GPC4: variants seen among roughly 807,000 people sequenced by gnomAD.
GPC4 encodes glypican 4.
A neutral mutation model predicts 35.0 loss-of-function variants in GPC4; 10 were observed. The ratio of observed to expected loss-of-function variants is 0.29; its 90% CI spans 0.18 to 0.48. GPC4 has a LOEUF of 0.48. Ranked by LOEUF, GPC4 falls within the 20% of genes least tolerant of loss-of-function variation. The probability of loss-of-function intolerance (pLI) is 0.99; values close to 1 mark genes in which losing one functional copy is unlikely to be tolerated. For synonymous variants in GPC4, 167 were observed against 170.2 expected, an observed-to-expected ratio of 0.98 and a Z score of 0.15; for missense variants, 322 against 451.3, an observed-to-expected ratio of 0.71 and a Z score of 2.60.
At chrX:133,336,166 T>C (rs755958194) in intron 2 of GPC4, among the ~76,000 whole-genome samples, 22 of 111,814 alleles carry the variant, frequency 2.0e-4, no homozygotes, top group Non-Finnish European at 3.8e-4. Context: ...ACATATCCTA[T>C]AGCCTGTTAA....
intron 2 of GPC4, among the ~76,000 whole-genome samples, chrX:133,332,271 C>G (rs2068423981): frequency 1.8e-5 from 2 of 111,558 alleles, no homozygotes; most frequent in South Asian, 7.5e-4. Context: ...AATGGCTTAT[C>G]AAATTTCCTT....
At chrX:133,351,973 G>A (rs1388495474) in intron 1 of GPC4, among the ~76,000 whole-genome samples, 1 of 111,995 alleles carries the variant, frequency 8.9e-6, no homozygotes, top group Non-Finnish European at 1.9e-5. Context: ...AATACAAATG[G>A]CTTGGTCTCC....
intron 1 of GPC4, among the ~76,000 whole-genome samples, chrX:133,356,283 C>T (rs182710461): frequency 3.6e-5 from 4 of 111,247 alleles, no homozygotes; most frequent in Non-Finnish European, 5.7e-5. Context: ...CTTGCTCTGT[C>T]GCCCAGACTG....
chrX:133,324,505 C>T lies in GPC4; in HGVS notation c.351G>A (p.Glu117=). Residue 117 remains glutamate (E), a synonymous_variant, in exon 3 of 9, where the codon GAG becomes GAA. Transcript: ENST00000370828. ...TCACAAACATATCATTCAGGGATTT[C>T]TCTGCATTTTCAAGTAGTTCTTTGA... The part of the protein sequence containing the change: ...EFFKELLENA[E]KSLNDMFVKT... 1 of 1,076,031 alleles carries T rather than the reference C, an allele frequency of 9.3e-7. No homozygotes were observed. The highest frequency in any genetic ancestry group is 1.2e-6 in the Non-Finnish European group (1 of 813,551). 88.7% of individuals were successfully genotyped at this position (1,076,031 alleles called of 1,213,427 possible). A position where few individuals can be genotyped will look rare whatever the true frequency, so the allele number is the denominator to read the frequency against.
In GPC4 at chrX:133,329,326, T is replaced by C. The variant is rs1217854349; in HGVS notation, c.320-4790A>G. ...TGATAGTGTTGTCACTCTTAGAGTT[T>C]CTTTGTATCTACAATCCTTTAAAAA... On this transcript the variant is annotated intron_variant, in intron 2 of 8. Coordinates refer to ENST00000370828, the MANE Select transcript of GPC4 (RefSeq NM_001448.3). Among the ~76,000 whole-genome samples, 31 of 112,381 alleles carry C rather than the reference T, an allele frequency of 2.8e-4. No homozygotes were observed. The Admixed American group carries it at 2.9e-3, about 11-fold the overall frequency.
At chrX:133,398,244 A>G (rs1447684876) in intron 1 of GPC4, among the ~76,000 whole-genome samples, 1 of 111,275 alleles carries the variant, frequency 9.0e-6, no homozygotes, top group African/African-American at 3.3e-5. Context: ...CATTAAATGG[A>G]GAGCTTGGGA....
intron 2 of GPC4, among the ~76,000 whole-genome samples, chrX:133,330,928 T>C (rs887090302): frequency 1.8e-5 from 2 of 108,728 alleles, no homozygotes; most frequent in African/African-American, 6.8e-5. Flanking sequence ...GGCAACAGAG[T>C]GAGACCCTAA....
intron 1 of GPC4, among the ~76,000 whole-genome samples, chrX:133,384,128 G>T (rs1415620280): frequency 8.9e-6 from 1 of 112,093 alleles, no homozygotes; most frequent in Non-Finnish European, 1.9e-5. Flanking sequence ...AAATGGCTAT[G>T]CGCAAGATAA....
At chrX:133,343,580 T>C (rs1416874563) in intron 1 of GPC4, among the ~76,000 whole-genome samples, 2 of 111,993 alleles carry the variant, frequency 1.8e-5, no homozygotes, top group Non-Finnish European at 3.8e-5. Context: ...TACATGGCCC[T>C]TGATTAGTTT....
chrX:133,323,401 G>A (rs1307553319), intron 3 of GPC4, among the ~76,000 whole-genome samples: 2 of 111,721 alleles, frequency 1.8e-5, no homozygotes, highest in Non-Finnish European at 3.8e-5. Flanking sequence ...AATTGCTTGA[G>A]CCCCGGAGGT....
chrX:133,318,948 G>T (rs756937391), intron 3 of GPC4, among the ~76,000 whole-genome samples: 1 of 112,134 alleles, frequency 8.9e-6, no homozygotes, highest in East Asian at 2.8e-4. Flanking sequence ...CTTCAACTAT[G>T]AAGTGTCTTT....
chrX:133,357,390 A>AC (rs1182479563), intron 1 of GPC4, among the ~76,000 whole-genome samples: 1 of 106,552 alleles, frequency 9.4e-6, no homozygotes, highest in African/African-American at 3.4e-5. Context: ...TCAAAAAAAA[A>AC]AAAAAAATTT....
intron 1 of GPC4, among the ~76,000 whole-genome samples, chrX:133,359,315 C>T (rs1311506522): frequency 9.0e-6 from 1 of 111,250 alleles, no homozygotes; most frequent in Non-Finnish European, 1.9e-5. Context: ...AAAAAACTTA[C>T]TTATAGTCGC....
At chrX:133,328,758 A>C (rs2068405216) in intron 2 of GPC4, among the ~76,000 whole-genome samples, 1 of 111,597 alleles carries the variant, frequency 9.0e-6, no homozygotes, top group African/African-American at 3.3e-5. Context: ...CTTGGTGACT[A>C]AGAGAGAACC....
At chrX:133,389,332 T>C (rs1270405189) in intron 1 of GPC4, among the ~76,000 whole-genome samples, 1 of 111,709 alleles carries the variant, frequency 9.0e-6, no homozygotes, top group Non-Finnish European at 1.9e-5. Flanking sequence ...CTTATATCCC[T>C]AATAACTGAC....
At chrX:133,367,964 T>C (rs1044031382) in intron 1 of GPC4, among the ~76,000 whole-genome samples, 10 of 110,821 alleles carry the variant, frequency 9.0e-5, no homozygotes, top group Admixed American at 8.6e-4. Context: ...TTTCCTTACC[T>C]ATAATTTTTC....
In GPC4 at chrX:133,303,029, C is replaced by T; in HGVS notation, c.1509G>A (p.Glu503=). ...SSGEGSGSGC[E]YQQCPSEFDY... ...CAAACTCTGAAGGGCACTGCTGATA[C>T]TCACAGCCACTTCCACTTCCTTCTC... Residue 503 remains glutamate (E), a synonymous_variant, in exon 9 of 9, where the codon GAG becomes GAA. Transcript: ENST00000370828. 1 of 1,211,521 alleles carries T rather than the reference C, an allele frequency of 8.3e-7. No homozygotes were observed. Among genetic ancestry groups the T allele is most frequent in the Non-Finnish European group, 1.1e-6 (1 of 895,404 alleles).
In GPC4 at chrX:133,304,778, C is replaced by T. The variant is rs146001319; in HGVS notation, c.1239G>A (p.Met413Ile). The T allele has an allele frequency of 1.3e-5, 16 of 1,209,769 alleles. No homozygotes were observed. The African/African-American group carries it at 2.3e-4, about 17-fold the overall frequency. The stretch of plus-strand genomic sequence containing the variant: ...CATCCTCATTGCCGTTTCCTGCAGC[C>T]ATCCTCTCATCGTTGCAAACGTTGC... Reference protein sequence around the residue: ...LPSNVCNDERMAAGNGNEDDC... With the variant: ...LPSNVCNDERIAAGNGNEDDC... The change falls in exon 7 of 9, where the codon ATG (methionine) becomes ATA (isoleucine). Residue 413 changes from methionine (M) to isoleucine (I), a missense_variant. Around this residue, in one of 3 missense-constraint regions of GPC4, gnomAD observed 163 missense variants for 277.2 expected, o/e 0.59. Transcript: ENST00000370828.
intron 1 of GPC4, among the ~76,000 whole-genome samples, chrX:133,399,054 T>G (rs919705142): frequency 9.0e-6 from 1 of 111,546 alleles, no homozygotes; most frequent in Non-Finnish European, 1.9e-5. Context: ...GATAAAGGCT[T>G]GGCAAGGGAA....
Sources: allele counts gnomAD v4.1 joint callset (sites outside exome capture counted in the v4.1 genomes callset), GRCh38; gene constraint gnomAD v4.1.1; regional missense constraint gnomAD v4.1.1; transcripts MANE v1.5; gene names NCBI Gene and HGNC (gene_info 2026-07-23, HGNC 2026-07-21).